The following NUP210L variants were observed in gnomAD, a reference collection of about 807,000 sequenced individuals.
NUP210L encodes nucleoporin 210 like, also known as nuclear pore membrane glycoprotein 210-like.
Under a neutral mutation model 208.5 loss-of-function variants are expected in NUP210L, and 74 were observed. That is an observed-to-expected ratio of 0.35 (90% CI 0.29 to 0.43). NUP210L has a LOEUF of 0.43. Among genes scored for constraint, NUP210L ranks in the 20% least tolerant of loss-of-function variants. The pLI is 1.00. For synonymous variants in NUP210L, 780 were observed against 816.9 expected (o/e 0.95, Z 0.77); for missense variants, 1,843 against 2,289.4 (o/e 0.81, Z 3.98).
rs919483435 is a variant in NUP210L, at chr1:154,135,992, C to T, written c.851-20G>A. On this transcript the variant is annotated intron_variant, in intron 6 of 39. Coordinates refer to ENST00000368559, the Ensembl canonical transcript of NUP210L. ...TCACCTCTGTAAGACATGAAAGATA[C>T]ATAAATGTAATGACAGCAGCCATTC... The T allele has an allele frequency of 1.3e-6, 2 of 1,555,780 alleles. No individual in the cohort carries two copies. The highest frequency in any genetic ancestry group is 2.7e-5 in the African/African-American group (2 of 73,628).
At chr1:154,071,518 A>G (rs974090409) in intron 16 of NUP210L, among the ~76,000 whole-genome samples, 6 of 148,296 alleles carry the variant, frequency 4.0e-5, no homozygotes, top group African/African-American at 1.3e-4. Context: ...TTTAGTTCCT[A>G]CTTATGAGTA....
chr1:154,104,257 G>T, intron 12 of NUP210L, 47 bp from the exon 13 acceptor site: 2 of 1,535,122 alleles, frequency 1.3e-6, no homozygotes, highest in African/African-American at 1.4e-5. Flanking sequence ...TTAAAAAAAA[G>T]TCTTAGGAGG....
chr1:154,152,833 T>A (rs745385190), exon 2 of NUP210L: 3 of 1,613,982 alleles, frequency 1.9e-6, no homozygotes, highest in South Asian at 2.2e-5. Context: ...CATTTTCATA[T>A]AAAGGCTCAA....
chr1:154,045,300 T>C (rs1653110320), intron 27 of NUP210L, among the ~76,000 whole-genome samples: 1 of 152,134 alleles, frequency 6.6e-6, no homozygotes, highest in African/African-American at 2.4e-5. Flanking sequence ...TTTCTTACTA[T>C]TAATGTAATC....
At chr1:154,099,896 C>A (rs563121627) in intron 14 of NUP210L, 102 bp downstream of exon 14, 1 of 1,171,350 alleles carries the variant, frequency 8.5e-7, no homozygotes, top group Non-Finnish European at 1.2e-6. Context: ...ACATAAATGT[C>A]ATTGATCCTT....
chr1:154,109,884 T>C (rs1037905345), intron 12 of NUP210L, among the ~76,000 whole-genome samples: 3 of 151,198 alleles, frequency 2.0e-5, no homozygotes, highest in African/African-American at 7.4e-5. Context: ...ACAAAACCTA[T>C]GAGATACAGT....
chr1:154,022,217 A>G, exon 32 of NUP210L: 1 of 1,614,192 alleles, frequency 6.2e-7, no homozygotes, highest in Non-Finnish European at 8.5e-7. Context: ...CTACAGCAAC[A>G]GGAATATAAT....
chr1:154,058,092 A>G lies in NUP210L; in HGVS notation c.3104T>C (p.Leu1035Pro), dbSNP rs765525076. The change falls in exon 22 of 40, where the codon CTG becomes CCG. Residue 1035 changes from leucine to proline, a missense_variant. By Grantham distance (98) the Leu-to-Pro change is moderately conservative. Around this residue, in one of 5 missense-constraint regions of NUP210L, gnomAD observed 781 missense variants for 973.8 expected, o/e 0.80. Transcript: ENST00000368559. ...GAAGTATTGAAATGGTACTTACGTC[A>G]GGGTGACAATGGCAGAAGCCAACTG... 22 of 1,614,004 alleles carry G rather than the reference A, an allele frequency of 1.4e-5. No homozygotes were observed. In the Admixed American group the frequency reaches 3.0e-4, roughly 22 times the overall value.
chr1:154,010,008 C>T (rs1287477271), exon 35 of NUP210L: 1 of 1,613,176 alleles, frequency 6.2e-7, no homozygotes, highest in South Asian at 1.1e-5. Flanking sequence ...ACCTGAAAGA[C>T]TTTACTTGCT....
At chr1:154,135,484 C>T (rs112505856) in intron 7 of NUP210L, among the ~76,000 whole-genome samples, 4,039 of 151,534 alleles carry the variant, frequency 0.027, 60 homozygotes, top group Middle Eastern at 0.072. Flanking sequence ...TGCAGTGGCA[C>T]GATTTTGGCT....
At chr1:154,003,612 C>T (rs1442008358) in intron 35 of NUP210L, among the ~76,000 whole-genome samples, 1 of 152,106 alleles carries the variant, frequency 6.6e-6, no homozygotes, top group Non-Finnish European at 1.5e-5. Context: ...AAGCAATCTT[C>T]CTGCCTCAGA....
chr1:154,047,291 G>T (rs891950805), intron 25 of NUP210L, among the ~76,000 whole-genome samples: 1 of 152,162 alleles, frequency 6.6e-6, no homozygotes, highest in African/African-American at 2.4e-5. Context: ...AATGCTTGAG[G>T]TGGTGGATAC....
At chr1:154,154,702 A>C in intron 1 of NUP210L, 140 bp downstream of exon 1, 1 of 676,050 alleles carries the variant, frequency 1.5e-6, no homozygotes, top group Non-Finnish European at 2.6e-6. Context: ...CTTCACTGAC[A>C]CCACACTCTC....
chr1:154,133,190 AG>A (rs1658343077), intron 7 of NUP210L, among the ~76,000 whole-genome samples: 1 of 152,152 alleles, frequency 6.6e-6, no homozygotes, highest in African/African-American at 2.4e-5. Context: ...TCCTTTCCCT[AG>A]AAGTCTTTCA....
chr1:154,103,972 T>C, intron 13 of NUP210L, 40 bp downstream of exon 13: 1 of 1,488,492 alleles, frequency 6.7e-7, no homozygotes, highest in South Asian at 1.2e-5. Context: ...GATAAATAAA[T>C]AAAGACAAAG....
At chr1:154,136,232 A>C (rs554165009) in intron 6 of NUP210L, among the ~76,000 whole-genome samples, 2 of 152,268 alleles carry the variant, frequency 1.3e-5, no homozygotes, top group Admixed American at 1.3e-4. Flanking sequence ...CGGGTGGATC[A>C]CCTGAAGTTA....
intron 37 of NUP210L, among the ~76,000 whole-genome samples, chr1:153,996,686 G>T (rs899581500): frequency 6.6e-6 from 1 of 152,080 alleles, no homozygotes; most frequent in Non-Finnish European, 1.5e-5. Context: ...CTCCCAAAGT[G>T]CTGGAATTAC....
At chr1:154,126,211 AT>A in intron 10 of NUP210L, 111 bp downstream of exon 10, 1 of 894,176 alleles carries the variant, frequency 1.1e-6, no homozygotes, top group Non-Finnish European at 1.7e-6. Flanking sequence ...TTATCTGTTT[AT>A]TTTTCTGAAA....
intron 12 of NUP210L, among the ~76,000 whole-genome samples, chr1:154,112,327 G>A (rs916428669): frequency 2.6e-5 from 4 of 152,094 alleles, no homozygotes; most frequent in Non-Finnish European, 5.9e-5. Context: ...GATTGCTTGA[G>A]CCCCGGAGGC....
Sources: allele counts gnomAD v4.1 joint callset (sites outside exome capture counted in the v4.1 genomes callset), GRCh38; gene constraint gnomAD v4.1.1; regional missense constraint gnomAD v4.1.1; transcripts MANE v1.5; gene names NCBI Gene and HGNC (gene_info 2026-07-23, HGNC 2026-07-21).